Variants in DOCK3 observed in about 807,000 individuals in gnomAD.
DOCK3 encodes the protein dedicator of cytokinesis 3.
Under a neutral mutation model 265.6 loss-of-function variants are expected in DOCK3, and 60 were observed. The ratio of observed to expected loss-of-function variants is 0.23; its 90% CI spans 0.18 to 0.28. DOCK3 has a LOEUF of 0.28. DOCK3 is among the 10% of genes least tolerant of loss of function. The probability of loss-of-function intolerance (pLI) is 1.00; values close to 1 mark genes in which losing one functional copy is unlikely to be tolerated. For synonymous variants in DOCK3, 881 were observed against 938.0 expected (o/e 0.94, Z 1.11); for missense variants, 1,981 against 2,594.3 (o/e 0.76, Z 5.14).
intron 24 of DOCK3, among the ~76,000 whole-genome samples, chr3:51,274,568 A>G (rs74990971): frequency 3.2e-4 from 48 of 152,262 alleles, no homozygotes; most frequent in African/African-American, 1.0e-3. Context: ...GCTTGAGCCC[A>G]GGAGTTCAAG....
chr3:51,289,435 A>G (rs1211223956), intron 27 of DOCK3, among the ~76,000 whole-genome samples: 1 of 152,232 alleles, frequency 6.6e-6, no homozygotes, highest in East Asian at 1.9e-4. Flanking sequence ...AAAAGATAAA[A>G]GAATCAAAGC....
rs1174669946 is a variant in DOCK3 at position 51,220,669 on chromosome 3, AAAT to A, written c.1253-4978_1253-4976del. The stretch of plus-strand genomic sequence containing the variant: ...AAGACTCCATCTCAAAAAAAAAAAA[AAAT>A]ATATATATATATATATGTGTGTGTG... On this transcript the variant is annotated intron_variant, in intron 14 of 52. Transcript: ENST00000266037. Among the ~76,000 whole-genome samples, 225 of 68,378 alleles carry A rather than the reference AAAT, an allele frequency of 3.3e-3. 1 individual carries two copies. The highest frequency in any genetic ancestry group is 0.012 in the African/African-American group (217 of 17,952). 44.9% of individuals were successfully genotyped at this position (68,378 alleles called of 152,430 possible). A position where few individuals can be genotyped will look rare whatever the true frequency, so the allele number is the denominator to read the frequency against.
intron 3 of DOCK3, among the ~76,000 whole-genome samples, chr3:50,869,266 G>T (rs142220966): frequency 6.7e-6 from 1 of 149,346 alleles, no homozygotes; most frequent in Non-Finnish European, 1.5e-5. Context: ...GAGCCGCTGC[G>T]CCCAGCCAAA....
chr3:50,769,681 G>A (rs1290302146), intron 1 of DOCK3, among the ~76,000 whole-genome samples: 1 of 151,840 alleles, frequency 6.6e-6, no homozygotes, highest in Non-Finnish European at 1.5e-5. Flanking sequence ...TGTGTGTGGT[G>A]GGCGCCTATA....
At chr3:51,009,275 A>G (rs2078834228) in intron 5 of DOCK3, among the ~76,000 whole-genome samples, 1 of 152,152 alleles carries the variant, frequency 6.6e-6, no homozygotes, top group South Asian at 2.1e-4. Flanking sequence ...TAGTCTATTA[A>G]TTATTGCCTC....
chr3:50,804,370 T>G (rs1408509978), intron 2 of DOCK3, among the ~76,000 whole-genome samples: 1 of 152,076 alleles, frequency 6.6e-6, no homozygotes, highest in Non-Finnish European at 1.5e-5. Context: ...CTCGGCACTT[T>G]GGGAGGCCAA....
chr3:51,086,147 A>C lies in DOCK3; in HGVS notation c.550-3096A>C, dbSNP rs1214677246. ...GTTTCTATAGATTATAGATTAACTA[A>C]AAGTATTCCTTATGGGAAACAAAGG... On this transcript the variant is annotated intron_variant, in intron 7 of 52. Coordinates refer to ENST00000266037, the MANE Select transcript of DOCK3 (RefSeq NM_004947.5). Among the ~76,000 whole-genome samples, 5 of 152,372 alleles carry C rather than the reference A, an allele frequency of 3.3e-5. 1 individual carries two copies. The highest frequency in any genetic ancestry group is 1.2e-4 in the African/African-American group (5 of 41,588).
At chr3:50,986,841 C>A (rs1575686020) in intron 5 of DOCK3, among the ~76,000 whole-genome samples, 1 of 152,140 alleles carries the variant, frequency 6.6e-6, no homozygotes, top group African/African-American at 2.4e-5. Context: ...TGTTAAAGAT[C>A]CTGAAGTTGT....
At chr3:51,380,949 G>T (rs1407179607) in intron 52 of DOCK3, 101 bp from the exon 53 acceptor site, 5 of 1,407,582 alleles carry the variant, frequency 3.6e-6, no homozygotes, top group South Asian at 1.4e-5. Context: ...TGTTGATGAG[G>T]GTTAAAGTTC....
intron 2 of DOCK3, among the ~76,000 whole-genome samples, chr3:50,811,022 A>G (rs900083161): frequency 2.0e-5 from 3 of 152,238 alleles, no homozygotes; most frequent in African/African-American, 7.2e-5. Context: ...CTAGTCACAG[A>G]TAAAAACATT....
At position 51,341,891 on chromosome 3, in the gene DOCK3, A is replaced by G. The variant is rs189155369; in HGVS notation, c.3915+506A>G. On this transcript the variant is annotated intron_variant, in intron 38 of 52. Coordinates refer to ENST00000266037, the MANE Select transcript of DOCK3 (RefSeq NM_004947.5). ...CTCATATTGGGGTTATTTTCCATCAAACTACTTTCTATGGGATTGGCAGCA... is the reference window on the plus strand; with the variant it reads ...CTCATATTGGGGTTATTTTCCATCAGACTACTTTCTATGGGATTGGCAGCA... Among the ~76,000 whole-genome samples, 24 of 152,328 alleles carry G rather than the reference A, an allele frequency of 1.6e-4. No individual in the cohort carries two copies. In the East Asian group the frequency reaches 4.0e-3, roughly 26 times the overall value.
At chr3:50,888,939 A>G (rs1189437098) in intron 3 of DOCK3, among the ~76,000 whole-genome samples, 1 of 151,976 alleles carries the variant, frequency 6.6e-6, no homozygotes, top group Non-Finnish European at 1.5e-5. Flanking sequence ...TTACGTTACT[A>G]TATGCTGTCT....
chr3:51,291,360 A>G (rs1229905812), intron 27 of DOCK3, among the ~76,000 whole-genome samples: 1 of 152,178 alleles, frequency 6.6e-6, no homozygotes, highest in African/African-American at 2.4e-5. Flanking sequence ...AATCACCTAA[A>G]CAAGTTTATT....
At chr3:51,107,733 C>A (rs371196974) in intron 9 of DOCK3, among the ~76,000 whole-genome samples, 50 of 152,254 alleles carry the variant, frequency 3.3e-4, no homozygotes, top group African/African-American at 1.2e-3. Context: ...TGAAAGAGAT[C>A]GGGAAAATGG....
chr3:51,302,033 A>AATATTATT (rs1447620027), intron 27 of DOCK3, among the ~76,000 whole-genome samples: 12 of 152,288 alleles, frequency 7.9e-5, no homozygotes, highest in African/African-American at 2.6e-4. Flanking sequence ...GTGGAGTGTT[A>AATATTATT]AAGTCTCCCA....
chr3:50,786,736 A>C lies in DOCK3; in HGVS notation c.121+7978A>C, dbSNP rs1412355891. On this transcript the variant is annotated intron_variant, in intron 2 of 52. Transcript: ENST00000266037. ...CAGTGTTTGTTTTCATGTGTTCATGAAAATACTGCTTCGTGTTGAAATCCT... is the reference window on the plus strand; with the variant it reads ...CAGTGTTTGTTTTCATGTGTTCATGCAAATACTGCTTCGTGTTGAAATCCT... 5 of 725,282 alleles carry C rather than the reference A, an allele frequency of 6.9e-6. No homozygotes were observed. The East Asian group carries it at 1.1e-4, about 15-fold the overall frequency. 44.9% of individuals were successfully genotyped at this position (725,282 alleles called of 1,614,324 possible).
rs2088830075 is a variant in DOCK3, at chr3:51,384,070, G to A, written c.*2511G>A. On this transcript the variant is annotated 3_prime_UTR_variant, in exon 53 of 53. Transcript: ENST00000266037. ...GAGGTATTTTACTGTATATATTGTGGTAGCATGTTCAAAATCCAACAAGTA... is the reference window on the plus strand; with the variant it reads ...GAGGTATTTTACTGTATATATTGTGATAGCATGTTCAAAATCCAACAAGTA... 1 of 152,646 alleles carries A rather than the reference G, an allele frequency of 6.6e-6. No individual in the cohort carries two copies. Among genetic ancestry groups the A allele is most frequent in the South Asian group, 2.1e-4 (1 of 4,834 alleles). The allele number at this position is 152,646 out of a possible 1,614,324, so 9.5% of individuals were successfully genotyped here.
intron 5 of DOCK3, among the ~76,000 whole-genome samples, chr3:51,022,731 A>T (rs1368767606): frequency 1.3e-5 from 2 of 152,022 alleles, no homozygotes; most frequent in Admixed American, 1.3e-4. Context: ...TTAGGTCCAA[A>T]TTGTCAATTT....
At chr3:50,919,824 G>C (rs2050338073) in intron 4 of DOCK3, among the ~76,000 whole-genome samples, 1 of 152,162 alleles carries the variant, frequency 6.6e-6, no homozygotes, top group South Asian at 2.1e-4. Flanking sequence ...TCCCTGTCTT[G>C]TGCCAGTTTT....
Sources: gnomAD v4.1 joint callset for allele counts (sites outside exome capture counted in the v4.1 genomes callset) on GRCh38, gnomAD v4.1.1 for gene constraint, MANE v1.5 for transcripts, NCBI Gene and HGNC (gene_info 2026-07-23, HGNC 2026-07-21) for gene names.